The following NF1 variants were observed in gnomAD, a reference collection of about 807,000 sequenced individuals.
NF1 encodes the protein neurofibromin.
NF1 carries 122 observed loss-of-function variants against 325.7 expected under a neutral mutation model. The ratio of observed to expected loss-of-function variants is 0.37; its 90% CI spans 0.32 to 0.44. The LOEUF (loss-of-function observed/expected upper bound fraction) is 0.44, where lower values mean the gene tolerates loss of function less well. NF1 is among the 20% of genes least tolerant of loss of function. The pLI is 1.00. For synonymous variants in NF1, 1,091 were observed against 1,186.0 expected, an observed-to-expected ratio of 0.92 and a Z score of 1.65; for missense variants, 2,140 against 3,415.4, an observed-to-expected ratio of 0.63 and a Z score of 9.31.
chr17:31,127,459 C>T (rs1914981715), intron 1 of NF1, among the ~76,000 whole-genome samples: 1 of 151,680 alleles, frequency 6.6e-6, no homozygotes, highest in African/African-American at 2.4e-5. Context: ...TTATAATTTT[C>T]TCCTTATATA....
chr17:31,307,777 T>G, intron 36 of NF1: 1 of 660,214 alleles, frequency 1.5e-6, no homozygotes, highest in Non-Finnish European at 2.3e-6. Flanking sequence ...TCTTAGGGTG[T>G]TAGATATTGG....
intron 14 of NF1, among the ~76,000 whole-genome samples, chr17:31,220,712 AAAG>A (rs2066906833): frequency 6.6e-6 from 1 of 152,204 alleles, no homozygotes; most frequent in Non-Finnish European, 1.5e-5. Flanking sequence ...AATACAAAAA[AAAG>A]AAGGCAATAT....
chr17:31,235,360 G>A (rs1460384660), intron 27 of NF1, among the ~76,000 whole-genome samples: 2 of 152,120 alleles, frequency 1.3e-5, no homozygotes, highest in Admixed American at 6.5e-5. Context: ...TCCTAGTAAA[G>A]CGTAGGCCTC....
chr17:31,217,904 G>T (rs1055314413), intron 13 of NF1, among the ~76,000 whole-genome samples: 2 of 144,784 alleles, frequency 1.4e-5, no homozygotes, highest in South Asian at 2.2e-4. Context: ...GGCAGAGGTT[G>T]CAGTGAGCCG....
At position 31,355,168 on chromosome 17, in the gene NF1, G is replaced by C. The variant is rs572066001; in HGVS notation, c.7616-1292G>C. On this transcript the variant is annotated intron_variant, in intron 51 of 57. Coordinates refer to ENST00000358273, the MANE Select transcript of NF1 (RefSeq NM_001042492.3). ...AGTTGAAGCTATGGAAGCAGAATGAGATCTTCCAGGAAGAATGCAGAGAAT... is the reference window on the plus strand; with the variant it reads ...AGTTGAAGCTATGGAAGCAGAATGACATCTTCCAGGAAGAATGCAGAGAAT... Among the ~76,000 whole-genome samples the C allele has an allele frequency of 2.3e-3, 344 of 152,330 alleles. 3 individuals are homozygous for C. Among genetic ancestry groups the C allele is most frequent in the Non-Finnish European group, 1.4e-3 (97 of 68,036 alleles).
intron 52 of NF1, 124 bp from the exon 53 acceptor site, chr17:31,356,836 T>C: frequency 7.1e-7 from 1 of 1,398,710 alleles, no homozygotes; most frequent in South Asian, 1.2e-5. Flanking sequence ...TTCTCTATGA[T>C]GTTTATGTTA....
chr17:31,242,318 T>C (rs1000242530), intron 29 of NF1, among the ~76,000 whole-genome samples: 4 of 137,960 alleles, frequency 2.9e-5, no homozygotes, highest in Non-Finnish European at 4.7e-5. Flanking sequence ...TTTTTTTTTT[T>C]TTTTTTTTTT....
In NF1 at chr17:31,327,592, A is replaced by G. The variant is rs2069378035; in HGVS notation, c.5362A>G (p.Ile1788Val). The change falls in exon 38 of 58, where the codon ATT (isoleucine) becomes GTT (valine). Residue 1788 changes from isoleucine (I) to valine (V), a missense_variant. Physicochemically the swap from Ile to Val is conservative, Grantham distance 29. Around this residue, in one of 10 missense-constraint regions of NF1, gnomAD observed 147 missense variants for 186.7 expected, o/e 0.79. Coordinates refer to ENST00000358273, the MANE Select transcript of NF1 (RefSeq NM_001042492.3). ...FLNDIYYASE[I>V]EEICLVDENQ... ...AAATGACATTTATTATGCTTCGGAAATTGAAGAAATCTGCCTAGTAGATGA... is the reference window on the plus strand; with the variant it reads ...AAATGACATTTATTATGCTTCGGAAGTTGAAGAAATCTGCCTAGTAGATGA... 6.2e-7 allele frequency: 1 copy of G among 1,614,208 alleles called. No homozygotes were observed.
intron 42 of NF1, 36 bp from the exon 43 acceptor site, chr17:31,337,332 T>C (rs1238182056): frequency 6.7e-7 from 1 of 1,499,348 alleles, no homozygotes; most frequent in East Asian, 2.3e-5. Context: ...AAAAGTAATA[T>C]TTTCTGTCTT....
chr17:31,369,659 C>T (rs2070595233), intron 57 of NF1, among the ~76,000 whole-genome samples: 1 of 152,266 alleles, frequency 6.6e-6, no homozygotes, highest in African/African-American at 2.4e-5. Flanking sequence ...GAATACAAAA[C>T]TTTAAAGGGG....
intron 1 of NF1, chr17:31,136,712 G>A (rs1172243908): frequency 3.3e-5 from 5 of 152,232 alleles, no homozygotes; most frequent in Admixed American, 3.3e-4. Flanking sequence ...CAAGGAGGAG[G>A]AGCAGTGACG....
intron 27 of NF1, 136 bp from the exon 28 acceptor site, chr17:31,235,475 T>C (rs2067182844): frequency 1.4e-5 from 12 of 835,304 alleles, no homozygotes; most frequent in Middle Eastern, 2.2e-4. Flanking sequence ...TCAGGATAAA[T>C]ATTAATCAGT....
chr17:31,154,751 T>A (rs1363571935), intron 1 of NF1, among the ~76,000 whole-genome samples: 5 of 148,278 alleles, frequency 3.4e-5, no homozygotes, highest in Admixed American at 6.7e-5. Context: ...TTTTTTTTTT[T>A]TTTATTTGAG....
At chr17:31,143,555 A>T (rs1030088436) in intron 1 of NF1, among the ~76,000 whole-genome samples, 5 of 152,062 alleles carry the variant, frequency 3.3e-5, no homozygotes, top group African/African-American at 4.8e-5. Context: ...TACAGGCATG[A>T]GCCACCACAC....
chr17:31,214,395 G>A (rs1175852065), intron 12 of NF1, 56 bp from the exon 13 acceptor site: 6 of 1,351,664 alleles, frequency 4.4e-6, no homozygotes, highest in East Asian at 2.3e-5. Flanking sequence ...TTAAAAGGTT[G>A]GATAGCTATT....
chr17:31,200,691 G>A, intron 9 of NF1, 96 bp downstream of exon 9: 1 of 1,376,552 alleles, frequency 7.3e-7, no homozygotes, highest in Non-Finnish European at 1.0e-6. Context: ...TAACATTAAA[G>A]TTCTGACTCT....
intron 46 of NF1, 108 bp downstream of exon 46, chr17:31,338,913 GA>G: frequency 1.3e-6 from 1 of 778,362 alleles, no homozygotes; most frequent in Non-Finnish European, 2.2e-6. Flanking sequence ...AAGTTATAAA[GA>G]AAAAACTATA....
intron 27 of NF1, among the ~76,000 whole-genome samples, chr17:31,234,431 T>A (rs557526288): frequency 6.6e-6 from 1 of 152,110 alleles, no homozygotes; most frequent in South Asian, 2.1e-4. Flanking sequence ...CCCAGCACTT[T>A]GGGAGGCTGA....
At chr17:31,180,861 C>T (rs544205301) in intron 5 of NF1, among the ~76,000 whole-genome samples, 1 of 152,254 alleles carries the variant, frequency 6.6e-6, no homozygotes, top group African/African-American at 2.4e-5. Context: ...CGTCTCAGCC[C>T]AAAATCTCCT....
Sources: gnomAD v4.1 joint callset for allele counts (sites outside exome capture counted in the v4.1 genomes callset) on GRCh38, gnomAD v4.1.1 for gene constraint, gnomAD v4.1.1 regional missense constraint, MANE v1.5 for transcripts, NCBI Gene and HGNC (gene_info 2026-07-23, HGNC 2026-07-21) for gene names.